Variants in SLC25A51 observed in about 807,000 individuals in gnomAD.
The protein encoded by SLC25A51 is mitochondrial nicotinamide adenine dinucleotide transporter SLC25A51.
Under a neutral mutation model 19.1 loss-of-function variants are expected in SLC25A51, and 11 were observed. The observed-to-expected ratio is 0.58, with a 90% confidence interval of 0.36 to 0.96. SLC25A51 has a LOEUF of 0.96. Ranked by LOEUF, SLC25A51 falls within the 40% of genes least tolerant of loss-of-function variation. SLC25A51 has a pLI of 0.01. For synonymous variants in SLC25A51, 105 were observed against 133.6 expected, an observed-to-expected ratio of 0.79 and a Z score of 1.47; for missense variants, 201 against 365.4, an observed-to-expected ratio of 0.55 and a Z score of 3.67.
intron 2 of SLC25A51, among the ~76,000 whole-genome samples, chr9:37,893,388 A>G (rs1190056300): frequency 1.3e-5 from 2 of 152,208 alleles, no homozygotes; most frequent in African/African-American, 2.4e-5. Flanking sequence ...TTTACCTAAG[A>G]GCAAGTTAGG....
intron 2 of SLC25A51, among the ~76,000 whole-genome samples, chr9:37,892,312 T>C (rs1329291190): frequency 2.0e-5 from 3 of 152,246 alleles, no homozygotes; most frequent in Non-Finnish European, 4.4e-5. Context: ...ACTGTCACTA[T>C]GCACATAAGG....
chr9:37,897,371 T>C (rs923670380), intron 2 of SLC25A51, among the ~76,000 whole-genome samples: 1 of 152,022 alleles, frequency 6.6e-6, no homozygotes, highest in African/African-American at 2.4e-5. Flanking sequence ...TTATTATTCA[T>C]AGGCTATTTA....
chr9:37,901,567 T>C (rs1212313362), intron 1 of SLC25A51, among the ~76,000 whole-genome samples: 1 of 152,234 alleles, frequency 6.6e-6, no homozygotes, highest in Non-Finnish European at 1.5e-5. Context: ...AAAACTCTTA[T>C]TACTATTTAA....
downstream of SLC25A51, among the ~76,000 whole-genome samples, chr9:37,883,245 G>C (rs1374246274): frequency 6.6e-6 from 1 of 152,198 alleles, no homozygotes; most frequent in Non-Finnish European, 1.5e-5. Context: ...TTCAGACAAA[G>C]CTGTTGGTTA....
intron 2 of SLC25A51, among the ~76,000 whole-genome samples, chr9:37,895,116 T>C (rs918190868): frequency 6.6e-6 from 1 of 152,210 alleles, no homozygotes; most frequent in Non-Finnish European, 1.5e-5. Flanking sequence ...AACTATTCCT[T>C]TGGGTATTGT....
At chr9:37,885,101 C>T (rs1160486078), downstream of SLC25A51, among the ~76,000 whole-genome samples, 1 of 152,018 alleles carries the variant, frequency 6.6e-6, no homozygotes, top group Non-Finnish European at 1.5e-5. Flanking sequence ...TGAAGACTGT[C>T]CTCTGCAGCT....
exon 4 of SLC25A51, chr9:37,879,983 T>C (rs1831319452): frequency 6.6e-6 from 1 of 152,296 alleles, no homozygotes; most frequent in African/African-American, 2.4e-5. Flanking sequence ...AGATGTTTGG[T>C]CTTTATGGCA....
exon 4 of SLC25A51, chr9:37,879,813 A>AGGGCTGAGAG: frequency 6.6e-6 from 1 of 152,522 alleles, no homozygotes; most frequent in Non-Finnish European, 1.5e-5. Context: ...GGCAGAGGGC[A>AGGGCTGAGAG]CCTGCATGGG....
In SLC25A51 at chr9:37,891,296, G is replaced by A. The variant is rs994861695; in HGVS notation, c.-42-2704C>T. ...CGGGAGGTGGGAGGCGCCTCTGCCC[G>A]GCAGCCCCTTCTGGGAAGTGAGGAG... On this transcript the variant is annotated intron_variant, in intron 2 of 2. Transcript: ENST00000242275. Among the ~76,000 whole-genome samples the A allele has an allele frequency of 1.1e-4, 16 of 152,236 alleles. No individual in the cohort carries two copies. The East Asian group carries it at 2.1e-3, about 20-fold the overall frequency.
chr9:37,889,287 G>T (rs1028637550), intron 2 of SLC25A51, among the ~76,000 whole-genome samples: 1 of 152,024 alleles, frequency 6.6e-6, no homozygotes, highest in Non-Finnish European at 1.5e-5. Flanking sequence ...TACTTCTTTG[G>T]TACCTACTAT....
At chr9:37,886,492 GT>G, downstream of SLC25A51, 1 of 1,298,638 alleles carries the variant, frequency 7.7e-7, no homozygotes, top group Non-Finnish European at 1.0e-6. Flanking sequence ...CCCTTTGGCT[GT>G]GACTGGGTGG....
At chr9:37,903,741 G>C (rs944771601) in intron 1 of SLC25A51, 3 of 152,242 alleles carry the variant, frequency 2.0e-5, no homozygotes, top group African/African-American at 7.2e-5. Context: ...CCGCCCCTGC[G>C]GTTCCTGTGC....
Position 37,888,476 on chromosome 9 carries a change from A to T in SLC25A51, c.75T>A (p.Ile25=). ...AATGCTTCATCTCACCAACATTTGT[A>T]ATATGAGGTGATATATCTTGTTTTG... is the stretch of plus-strand genomic sequence containing the variant. The part of the protein sequence containing the change: ...TSSKQDISPH[I]TNVGEMKHYL... Residue 25 remains isoleucine (I), a synonymous_variant, in exon 3 of 3, where the codon ATT becomes ATA. Coordinates refer to ENST00000242275, the MANE Select transcript of SLC25A51 (RefSeq NM_033412.4). 2 of 1,614,264 alleles carry T rather than the reference A, an allele frequency of 1.2e-6. No homozygotes were observed.
In SLC25A51 at chr9:37,888,016, T is replaced by A; in HGVS notation, c.535A>T (p.Ile179Phe). 1 of 1,612,484 alleles carries A rather than the reference T, an allele frequency of 6.2e-7. No homozygotes were observed. Among genetic ancestry groups the A allele is most frequent in the Non-Finnish European group, 8.5e-7 (1 of 1,179,852 alleles). The change falls in exon 3 of 3, where the codon ATT becomes TTT. Residue 179 changes from isoleucine to phenylalanine, a missense_variant. By Grantham distance (21) the Ile-to-Phe change is conservative. Transcript: ENST00000242275. ...TTGCTGAGTCCATTCCGGAAAAGAA[T>A]GGGCACCAAGCCTCGATAATACTCT... ...IGEYYRGLVPILFRNGLSNVL... is the reference protein window; with the variant it reads ...IGEYYRGLVPFLFRNGLSNVL...
Position 37,888,574 on chromosome 9 carries a change from A to G in SLC25A51, c.-24T>C. 6.4e-7 allele frequency: 1 copy of G among 1,564,450 alleles called. No homozygotes were observed. The highest frequency in any genetic ancestry group is 8.6e-7 in the Non-Finnish European group (1 of 1,160,638). On this transcript the variant is annotated 5_prime_UTR_variant, in exon 3 of 3. The change abolishes an upstream ATG in the 5' untranslated region. Coordinates refer to ENST00000242275, the MANE Select transcript of SLC25A51 (RefSeq NM_033412.4). ...ATGCTGCTTAAGATCTTTCTTTTTCATGAAGGACTTTTTTTAACCTACAAA... is the reference window on the plus strand; with the variant it reads ...ATGCTGCTTAAGATCTTTCTTTTTCGTGAAGGACTTTTTTTAACCTACAAA...
At chr9:37,890,848 A>G (rs1353315774) in intron 2 of SLC25A51, among the ~76,000 whole-genome samples, 1 of 152,244 alleles carries the variant, frequency 6.6e-6, no homozygotes, top group Non-Finnish European at 1.5e-5. Flanking sequence ...ACCATATTTA[A>G]GAGTTTCAAT....
Position 37,904,053 on chromosome 9 carries a change from T to G in SLC25A51, c.-165+15A>C, listed in dbSNP as rs952042925. 1 of 152,358 alleles carries G rather than the reference T, an allele frequency of 6.6e-6. No homozygotes were observed. Among genetic ancestry groups the G allele is most frequent in the African/African-American group, 2.4e-5 (1 of 41,434 alleles). 9.4% of individuals were successfully genotyped at this position (152,358 alleles called of 1,614,324 possible). On this transcript the variant is annotated intron_variant, in intron 1 of 2. Transcript: ENST00000242275. ...AAGAAAGCCCGGTGCTTCCCCACGCTCGTCCCACACTCACCCATCAGCGCC... is the reference window on the plus strand; with the variant it reads ...AAGAAAGCCCGGTGCTTCCCCACGCGCGTCCCACACTCACCCATCAGCGCC...
In SLC25A51 at chr9:37,901,359, G is replaced by A. The variant is rs552671726; in HGVS notation, c.-164-1409C>T. 4.6e-5 allele frequency among the ~76,000 whole-genome samples: 7 copies of A among 152,020 alleles called. No individual in the cohort carries two copies. In the South Asian group the frequency reaches 1.5e-3, roughly 32 times the overall value. On this transcript the variant is annotated intron_variant, in intron 1 of 2. Coordinates refer to ENST00000242275, the MANE Select transcript of SLC25A51 (RefSeq NM_033412.4). ...ATTTCTGTATTTTTAGTGGAGACGG[G>A]GTTTCACTATGTTAGCCAGGCTGGT...
chr9:37,897,314 C>T lies in SLC25A51; in HGVS notation c.-43+2515G>A, dbSNP rs190941241. ...AAGTGATCCTCCTGCCTCAGCCTCC[C>T]AAAGTGCTGAGATTACAGACATGAG... On this transcript the variant is annotated intron_variant, in intron 2 of 2. Coordinates refer to ENST00000242275, the MANE Select transcript of SLC25A51 (RefSeq NM_033412.4). Among the ~76,000 whole-genome samples, 345 of 152,202 alleles carry T rather than the reference C, an allele frequency of 2.3e-3. 2 individuals are homozygous for T. The highest frequency in any genetic ancestry group is 7.5e-3 in the African/African-American group (310 of 41,532).
Sources: gnomAD v4.1 joint callset for allele counts (sites outside exome capture counted in the v4.1 genomes callset) on GRCh38, gnomAD v4.1.1 for gene constraint, MANE v1.5 for transcripts, NCBI Gene and HGNC (gene_info 2026-07-23, HGNC 2026-07-21) for gene names.